Variants in GFAP observed in about 807,000 individuals in gnomAD.
GFAP encodes glial fibrillary acidic protein, also known as intermediate filament protein.
A neutral mutation model predicts 49.3 loss-of-function variants in GFAP; 38 were observed. That is an observed-to-expected ratio of 0.77 (90% CI 0.60 to 1.01). GFAP has a LOEUF of 1.01. GFAP is among the 50% of genes least tolerant of loss of function. GFAP has a pLI of 0.00. For missense variants in GFAP, 463 were observed against 579.1 expected (o/e 0.80, Z 2.06); for synonymous variants, 222 against 236.4 (o/e 0.94, Z 0.56).
Position 44,907,250 on chromosome 17 carries a change from A to G in GFAP, c.*97T>C, listed in dbSNP as rs572620394. 7.3e-5 allele frequency: 84 copies of G among 1,150,048 alleles called. No homozygotes were observed. In the African/African-American group the frequency reaches 1.2e-3, roughly 16 times the overall value. The allele number at this position is 1,150,048 out of a possible 1,614,324, so 71.2% of individuals were successfully genotyped here. ...GAGCAGCTGGGGTGGTGGGGAGCTC[A>G]GGTCTGGGGAAATGTGCCAGCAGAG... On this transcript the variant is annotated 3_prime_UTR_variant, in exon 9 of 9. Transcript: ENST00000588735.
chr17:44,909,290 T>C (rs1210761627), intron 7 of GFAP: 1 of 152,206 alleles, frequency 6.6e-6, no homozygotes, highest in Non-Finnish European at 1.5e-5. Context: ...CTTCTCTAGG[T>C]GGGAGAGAGG....
At chr17:44,914,203 A>G (rs1253346259) in intron 1 of GFAP, 115 bp from the exon 2 acceptor site, 32 of 727,480 alleles carry the variant, frequency 4.4e-5, no homozygotes, top group Non-Finnish European at 6.4e-5. Flanking sequence ...GGACCAGTAG[A>G]GCAGCAGGAG....
rs777819510 is a variant in GFAP at position 44,904,436 on chromosome 17, C to T, written c.*2911G>A. 5.2e-6 allele frequency: 8 copies of T among 1,540,922 alleles called. No individual in the cohort carries two copies. Among genetic ancestry groups the T allele is most frequent in the South Asian group, 4.8e-5 (4 of 83,534 alleles). ...CCTGCAGAGCCCAGACCTCTCCCCA[C>T]GCTACCTCAAGGCCGTGCCCGATGT... On this transcript the variant is annotated 3_prime_UTR_variant, in exon 9 of 9. Transcript: ENST00000588735.
At position 44,914,447 on chromosome 17, in the gene GFAP, G is replaced by A. The variant is rs2051859741; in HGVS notation, c.462-359C>T. 7 of 290,784 alleles carry A rather than the reference G, an allele frequency of 2.4e-5. No homozygotes were observed. In the South Asian group the frequency reaches 4.1e-4, roughly 17 times the overall value. The allele number at this position is 290,784 out of a possible 1,614,324, so 18.0% of individuals were successfully genotyped here. On this transcript the variant is annotated intron_variant, in intron 1 of 8. Coordinates refer to ENST00000588735, the MANE Select transcript of GFAP (RefSeq NM_002055.5). ...TCCTGTCAGCTCAGTGAAGCGCCATGCCCCTGGGGATTCCTCTGATCCCAG... is the reference window on the plus strand; with the variant it reads ...TCCTGTCAGCTCAGTGAAGCGCCATACCCCTGGGGATTCCTCTGATCCCAG...
chr17:44,903,281 T>C lies in GFAP; in HGVS notation c.*4066A>G, dbSNP rs930645983. 1.6e-6 allele frequency: 2 copies of C among 1,246,916 alleles called. No individual in the cohort carries two copies. The highest frequency in any genetic ancestry group is 2.0e-6 in the Non-Finnish European group (2 of 996,706). The allele number at this position is 1,246,916 out of a possible 1,614,324, so 77.2% of individuals were successfully genotyped here. A position where few individuals can be genotyped will look rare whatever the true frequency, so the allele number is the denominator to read the frequency against. ...AATCAACAAATGATCAAATACTACA[T>C]CATTTGAGGTGTTGAATTTTCCCCT... On this transcript the variant is annotated 3_prime_UTR_variant, in exon 9 of 9. Transcript: ENST00000588735.
Position 44,904,358 on chromosome 17 carries a change from C to T in GFAP, c.*2989G>A, listed in dbSNP as rs2051616259. ...CTTCACCACCTTCTGGGAATGGACC[C>T]CCTGTGACCGCTGCGGAGTGCGTGG... is the stretch of plus-strand genomic sequence containing the variant. On this transcript the variant is annotated 3_prime_UTR_variant, in exon 9 of 9. Coordinates refer to ENST00000588735, the MANE Select transcript of GFAP (RefSeq NM_002055.5). The T allele has an allele frequency of 6.5e-7, 1 of 1,543,704 alleles. No homozygotes were observed. Among genetic ancestry groups the T allele is most frequent in the Non-Finnish European group, 8.8e-7 (1 of 1,142,356 alleles).
Position 44,911,693 on chromosome 17 carries a change from G to T in GFAP, c.885C>A (p.Asp295Glu), listed in dbSNP as rs553951207. The change falls in exon 5 of 9, where the codon GAC becomes GAA. Residue 295 changes from aspartate to glutamate, a missense_variant. By Grantham distance (45) the Asp-to-Glu change is conservative (BLOSUM62 2). Around this residue, in one of 3 missense-constraint regions of GFAP, gnomAD observed 362 missense variants for 445.5 expected, o/e 0.81. Coordinates refer to ENST00000588735, the MANE Select transcript of GFAP (RefSeq NM_002055.5). ...YRRQLQSLTC[D>E]LESLRGTNES... ...TCACCGTGCCGCGCAGAGACTCCAGGTCGCAGGTCAAGGACTGCAACTGGC... is the reference window on the plus strand; with the variant it reads ...TCACCGTGCCGCGCAGAGACTCCAGTTCGCAGGTCAAGGACTGCAACTGGC... The T allele has an allele frequency of 1.9e-6, 3 of 1,613,672 alleles. No homozygotes were observed. In the East Asian group the frequency reaches 6.7e-5, roughly 36 times the overall value.
At position 44,915,056 on chromosome 17, in the gene GFAP, A is replaced by G. The variant is rs773003505; in HGVS notation, c.431T>C (p.Leu144Pro). The G allele has an allele frequency of 6.2e-7, 1 of 1,612,502 alleles. No individual in the cohort carries two copies. Among genetic ancestry groups the G allele is most frequent in the Non-Finnish European group, 8.5e-7 (1 of 1,179,958 alleles). ...SARLEVERDN[L>P]AQDLATVRQK... The stretch of plus-strand genomic sequence containing the variant: ...CCTCACAGTGGCCAGGTCCTGTGCC[A>G]GATTGTCCCTCTCAACCTCCAGCCG... The change falls in exon 1 of 9, where the codon CTG becomes CCG. Residue 144 changes from leucine to proline, a missense_variant. Around this residue, in one of 3 missense-constraint regions of GFAP, gnomAD observed 362 missense variants for 445.5 expected, o/e 0.81. Coordinates refer to ENST00000588735, the MANE Select transcript of GFAP (RefSeq NM_002055.5). The surrounding 1 kb of genome is among the most constrained non-coding windows in gnomAD (Gnocchi z 4.1).
chr17:44,908,060 T>C lies in GFAP; in HGVS notation c.1257+4A>G, dbSNP rs2051679897. ...AGCCTGACTGGGCCCAAATCCCTCC[T>C]TACCTCTCCATCCCGCATCTCCACG... is the stretch of plus-strand genomic sequence containing the variant. On this transcript the variant is annotated splice_donor_region_variant and intron_variant, in intron 8 of 8. Coordinates refer to ENST00000588735, the MANE Select transcript of GFAP (RefSeq NM_002055.5). 1.9e-6 allele frequency: 3 copies of C among 1,601,098 alleles called. No individual in the cohort carries two copies. The highest frequency in any genetic ancestry group is 2.6e-6 in the Non-Finnish European group (3 of 1,168,282).
chr17:44,911,894 G>C (rs2051780618), intron 4 of GFAP, 97 bp from the exon 5 acceptor site: 10 of 1,422,806 alleles, frequency 7.0e-6, no homozygotes, highest in Non-Finnish European at 9.6e-6. Flanking sequence ...TTAACCCCAG[G>C]ACGTTGGCCC....
chr17:44,903,295 G>A lies in GFAP; in HGVS notation c.*4052C>T. ...CAAATACTACATCATTTGAGGTGTT[G>A]AATTTTCCCCTAGAGACTCAGTTCT... is the stretch of plus-strand genomic sequence containing the variant. On this transcript the variant is annotated 3_prime_UTR_variant, in exon 9 of 9. Transcript: ENST00000588735. The A allele has an allele frequency of 8.0e-7, 1 of 1,245,724 alleles. No individual in the cohort carries two copies. The highest frequency in any genetic ancestry group is 1.0e-6 in the Non-Finnish European group (1 of 996,010). The allele number at this position is 1,245,724 out of a possible 1,614,324, so 77.2% of individuals were successfully genotyped here.
chr17:44,907,024 G>A lies in GFAP; in HGVS notation c.*323C>T. 2.1e-6 allele frequency: 1 copy of A among 465,224 alleles called. No homozygotes were observed. The highest frequency in any genetic ancestry group is 2.2e-5 in the South Asian group (1 of 45,088). The allele number at this position is 465,224 out of a possible 1,614,324, so 28.8% of individuals were successfully genotyped here. A position where few individuals can be genotyped will look rare whatever the true frequency, so the allele number is the denominator to read the frequency against. On this transcript the variant is annotated 3_prime_UTR_variant, in exon 9 of 9. Transcript: ENST00000588735. Reference sequence around the variant, plus strand: ...AATCAGGGATGTGGAGGGCGATGTAGTAGGTGCCCCCCGCCCTCCTCCCCT... The same window carrying A: ...AATCAGGGATGTGGAGGGCGATGTAATAGGTGCCCCCCGCCCTCCTCCCCT...
chr17:44,910,789 C>A, intron 6 of GFAP, 131 bp from the exon 7 acceptor site: 1 of 1,362,278 alleles, frequency 7.3e-7, no homozygotes, highest in South Asian at 1.4e-5. Flanking sequence ...CATCTCCTAG[C>A]TTTTTCCCCA....
At position 44,903,808 on chromosome 17, in the gene GFAP, C is replaced by A; in HGVS notation, c.*3539G>T. ...AATGCCCTGGTTTTGCCCTGCCCCT[C>A]TGACCCCTGCCTCCTTCAGGTATGC... On this transcript the variant is annotated 3_prime_UTR_variant, in exon 9 of 9. Transcript: ENST00000588735. 1 of 1,541,590 alleles carries A rather than the reference C, an allele frequency of 6.5e-7. No homozygotes were observed. Among genetic ancestry groups the A allele is most frequent in the Non-Finnish European group, 8.8e-7 (1 of 1,141,962 alleles).
At chr17:44,911,631 C>T (rs757670568) in intron 5 of GFAP, 41 bp downstream of exon 5, 4 of 1,605,290 alleles carry the variant, frequency 2.5e-6, no homozygotes, top group Non-Finnish European at 3.4e-6. Context: ...GGGTGGCCGT[C>T]CCTGCTCCGC....
rs2051649657 is a variant in GFAP at position 44,906,149 on chromosome 17, C to T, written c.*1198G>A. 6.6e-6 allele frequency: 1 copy of T among 152,612 alleles called. No homozygotes were observed. Among genetic ancestry groups the T allele is most frequent in the Non-Finnish European group, 1.5e-5 (1 of 68,268 alleles). 9.5% of individuals were successfully genotyped at this position (152,612 alleles called of 1,614,324 possible). On this transcript the variant is annotated 3_prime_UTR_variant, in exon 9 of 9. Transcript: ENST00000588735. Reference sequence around the variant, plus strand: ...TTAAGAAGCAGCAGTCCCAGGGGCTCAGAGGCTGGGGCGGCCTGGTATGAC... The same window carrying T: ...TTAAGAAGCAGCAGTCCCAGGGGCTTAGAGGCTGGGGCGGCCTGGTATGAC...
chr17:44,903,617 C>G lies in GFAP; in HGVS notation c.*3730G>C. 2 of 1,402,910 alleles carry G rather than the reference C, an allele frequency of 1.4e-6. No homozygotes were observed. The highest frequency in any genetic ancestry group is 1.8e-6 in the Non-Finnish European group (2 of 1,085,096). The allele number at this position is 1,402,910 out of a possible 1,614,324, so 86.9% of individuals were successfully genotyped here. On this transcript the variant is annotated 3_prime_UTR_variant, in exon 9 of 9. Coordinates refer to ENST00000588735, the MANE Select transcript of GFAP (RefSeq NM_002055.5). ...TGGCTTTCCCCCCCCACCCTGAGATCAGGTCTGGAATGTTAGAAGGGCATC... is the reference window on the plus strand; with the variant it reads ...TGGCTTTCCCCCCCCACCCTGAGATGAGGTCTGGAATGTTAGAAGGGCATC...
rs1296039714 is a variant in GFAP at position 44,911,393 on chromosome 17, A to G, written c.970T>C (p.Tyr324His). 3.7e-6 allele frequency: 6 copies of G among 1,613,788 alleles called. No individual in the cohort carries two copies. The highest frequency in any genetic ancestry group is 5.1e-6 in the Non-Finnish European group (6 of 1,179,932). The change falls in exon 6 of 9, where the codon TAT becomes CAT. Residue 324 changes from tyrosine (Y) to histidine (H), a missense_variant. Transcript: ENST00000588735. Reference sequence around the variant, plus strand: ...TCCAGCCGCGCCAGCGCCTCCTGATAACTGGCCGCCTCCCGCACGTGCCGC... The same window carrying G: ...TCCAGCCGCGCCAGCGCCTCCTGATGACTGGCCGCCTCCCGCACGTGCCGC... ...EERHVREAAS[Y>H]QEALARLEEE...
intron 3 of GFAP, 94 bp from the exon 4 acceptor site, chr17:44,913,524 G>T: frequency 7.2e-7 from 1 of 1,383,150 alleles, no homozygotes; most frequent in Non-Finnish European, 1.0e-6. Context: ...CTGCCCCTCG[G>T]CCAGGAGTTC....
Sources: gnomAD v4.1 joint callset for allele counts on GRCh38, gnomAD v4.1.1 for gene constraint, gnomAD v4.1.1 regional missense constraint, Gnocchi (gnomAD v3.1) non-coding constraint, MANE v1.5 for transcripts, NCBI Gene and HGNC (gene_info 2026-07-23, HGNC 2026-07-21) for gene names.